ARHGAP15: variants seen among roughly 807,000 people sequenced by gnomAD.
The protein encoded by ARHGAP15 is rho GTPase-activating protein 15.
Under a neutral mutation model 63.7 loss-of-function variants are expected in ARHGAP15, and 51 were observed. The ratio of observed to expected loss-of-function variants is 0.80; its 90% confidence interval spans 0.64 to 1.01. The LOEUF (loss-of-function observed/expected upper bound fraction) is 1.01. Among genes scored for constraint, ARHGAP15 ranks in the 50% least tolerant of loss-of-function variants. ARHGAP15 has a pLI of 0.00. For missense variants in ARHGAP15, 560 were observed against 564.6 expected (o/e 0.99, Z 0.08); for synonymous variants, 191 against 193.8 (o/e 0.99, Z 0.12).
intron 6 of ARHGAP15, among the ~76,000 whole-genome samples, chr2:143,354,989 G>GT (rs903371832): frequency 6.6e-6 from 1 of 152,048 alleles, no homozygotes; most frequent in Admixed American, 6.6e-5. Flanking sequence ...CATTGTAAGC[G>GT]TTTTTTAACA....
chr2:143,192,117 G>T (rs745423971), intron 2 of ARHGAP15, among the ~76,000 whole-genome samples: 1 of 152,206 alleles, frequency 6.6e-6, no homozygotes, highest in South Asian at 2.1e-4. Flanking sequence ...AGTGGTATAT[G>T]ACAGCTCTAT....
At chr2:143,317,980 C>T (rs981425014) in intron 6 of ARHGAP15, among the ~76,000 whole-genome samples, 1 of 151,898 alleles carries the variant, frequency 6.6e-6, no homozygotes, top group Non-Finnish European at 1.5e-5. Context: ...ACTATTATGG[C>T]ACATAAAACT....
In ARHGAP15 at chr2:143,216,390, GAAAAAGAAGGTTAT is replaced by G. The variant is rs1413984393; in HGVS notation, c.242_255del (p.Glu81AlafsTer5). ...ATATGCATTCTTCTTGCAGATGGTT[GAAAAAGAAGGTTAT>G]CTGCAAAAAGCTAAAATTGCAGATG... is the stretch of plus-strand genomic sequence containing the variant. On this transcript the variant is annotated frameshift_variant, in exon 4 of 14. Coordinates refer to ENST00000295095, the MANE Select transcript of ARHGAP15 (RefSeq NM_018460.4). LOFTEE classifies it high-confidence loss of function. The G allele has an allele frequency of 6.2e-7, 1 of 1,610,328 alleles. No individual in the cohort carries two copies. The highest frequency in any genetic ancestry group is 8.5e-7 in the Non-Finnish European group (1 of 1,178,452).
intron 10 of ARHGAP15, 33 bp from the exon 11 acceptor site, chr2:143,556,375 G>A: frequency 6.6e-7 from 1 of 1,507,252 alleles, no homozygotes; most frequent in Non-Finnish European, 9.1e-7. Context: ...ATTCCTATAT[G>A]TGCTAATATA....
chr2:143,519,383 AGCAGTTCCCCCCATTACT>A lies in ARHGAP15; in HGVS notation c.925+23_925+40del, dbSNP rs1258775451. On this transcript the variant is annotated intron_variant, in intron 10 of 13. Transcript: ENST00000295095. ...AAAAGAGGTGGGTGACTGAATGTGC[AGCAGTTCCCCCCATTACT>A]GCACCCTCTACACAACCAATACTCA... The A allele has an allele frequency of 1.9e-6, 3 of 1,594,208 alleles. No homozygotes were observed. The African/African-American group carries it at 4.0e-5, about 21-fold the overall frequency.
intron 10 of ARHGAP15, among the ~76,000 whole-genome samples, chr2:143,542,672 TATATG>T (rs1288273223): frequency 1.4e-5 from 2 of 144,074 alleles, no homozygotes; most frequent in African/African-American, 2.5e-5. Context: ...ATATATGATA[TATATG>T]ATATGATATA....
chr2:143,153,297 C>A (rs1249489687), intron 1 of ARHGAP15, among the ~76,000 whole-genome samples: 1 of 151,828 alleles, frequency 6.6e-6, no homozygotes, highest in Non-Finnish European at 1.5e-5. Context: ...TGTGGGAAAT[C>A]AACCCTTGAA....
At chr2:143,377,935 C>A (rs1274599931) in intron 6 of ARHGAP15, among the ~76,000 whole-genome samples, 1 of 152,030 alleles carries the variant, frequency 6.6e-6, no homozygotes, top group South Asian at 2.1e-4. Context: ...AACAAATATA[C>A]CAAAATATAG....
chr2:143,762,012 A>G (rs959006082), intron 13 of ARHGAP15, among the ~76,000 whole-genome samples: 11 of 152,182 alleles, frequency 7.2e-5, no homozygotes, highest in African/African-American at 2.7e-4. Flanking sequence ...AATTCATAAA[A>G]TCATATTTTT....
chr2:143,137,171 G>A (rs1689178816), intron 1 of ARHGAP15, among the ~76,000 whole-genome samples: 2 of 151,962 alleles, frequency 1.3e-5, no homozygotes, highest in South Asian at 2.1e-4. Flanking sequence ...CTTCATATTA[G>A]TTTGGCTATG....
intron 11 of ARHGAP15, among the ~76,000 whole-genome samples, chr2:143,601,033 C>G (rs2030213): frequency 0.011 from 1,633 of 152,208 alleles, 29 homozygotes; most frequent in African/African-American, 0.038. Flanking sequence ...TTGCTAATCT[C>G]TGTCCTAAAG....
chr2:143,307,136 CTATTTTGA>C (rs1052813491), intron 6 of ARHGAP15, among the ~76,000 whole-genome samples: 20 of 152,088 alleles, frequency 1.3e-4, no homozygotes, highest in African/African-American at 4.6e-4. Flanking sequence ...AATATTGCTT[CTATTTTGA>C]GCCCTTTTTC....
chr2:143,239,121 C>A (rs1693764631), intron 5 of ARHGAP15, among the ~76,000 whole-genome samples: 1 of 152,080 alleles, frequency 6.6e-6, no homozygotes, highest in Admixed American at 6.6e-5. Context: ...TGCAGCAAAC[C>A]ACCATGGCAC....
chr2:143,762,500 G>A (rs1031529161), intron 13 of ARHGAP15, among the ~76,000 whole-genome samples: 6 of 152,190 alleles, frequency 3.9e-5, no homozygotes, highest in African/African-American at 9.7e-5. Flanking sequence ...TGACTTCTGA[G>A]TTAGCTGCTA....
chr2:143,473,164 A>G (rs1278256364), intron 8 of ARHGAP15, among the ~76,000 whole-genome samples: 1 of 152,152 alleles, frequency 6.6e-6, no homozygotes, highest in Non-Finnish European at 1.5e-5. Flanking sequence ...CCAAACCATC[A>G]CATGACTCAG....
At chr2:143,244,432 T>G (rs1395724790) in intron 5 of ARHGAP15, among the ~76,000 whole-genome samples, 1 of 152,112 alleles carries the variant, frequency 6.6e-6, no homozygotes, top group African/African-American at 2.4e-5. Context: ...AGTTGTGTCT[T>G]GAAAATGAGC....
rs189479398 is a variant in ARHGAP15, at chr2:143,274,050, A to G, written c.474+23450A>G. 1.4e-3 allele frequency among the ~76,000 whole-genome samples: 212 copies of G among 152,264 alleles called. 1 individual carries two copies. The highest frequency in any genetic ancestry group is 3.9e-4 in the East Asian group (2 of 5,186). On this transcript the variant is annotated intron_variant, in intron 6 of 13. Transcript: ENST00000295095. ...TTTGGTGGCCATCCATTTTATTGTA[A>G]TCACTACTTATCCTTTAAAATTTTT...
At chr2:143,505,882 GC>G (rs1365634357) in intron 9 of ARHGAP15, among the ~76,000 whole-genome samples, 31 of 152,306 alleles carry the variant, frequency 2.0e-4, no homozygotes, top group Middle Eastern at 3.4e-3. Context: ...AACCTAAAGT[GC>G]TTTCCTCTTA....
intron 9 of ARHGAP15, among the ~76,000 whole-genome samples, chr2:143,509,233 A>G (rs1170595354): frequency 6.6e-6 from 1 of 152,080 alleles, no homozygotes; most frequent in Non-Finnish European, 1.5e-5. Context: ...GGGGAAAACT[A>G]TTCACAGAAG....
Sources: gnomAD v4.1 joint callset for allele counts (sites outside exome capture counted in the v4.1 genomes callset) on GRCh38, gnomAD v4.1.1 for gene constraint, MANE v1.5 for transcripts, NCBI Gene and HGNC (gene_info 2026-07-23, HGNC 2026-07-21) for gene names.